Variants in PAIP1 observed in about 807,000 individuals in gnomAD.
The protein encoded by PAIP1 is poly(A) binding protein interacting protein 1.
A neutral mutation model predicts 61.3 loss-of-function variants in PAIP1; 16 were observed. The ratio of observed to expected loss-of-function variants is 0.26; its 90% CI spans 0.18 to 0.40. The LOEUF is 0.40. PAIP1 is among the 10% of genes least tolerant of loss of function. PAIP1 has a pLI of 1.00. For missense variants in PAIP1, 416 were observed against 600.9 expected (o/e 0.69, Z 3.22); for synonymous variants, 187 against 226.2 (o/e 0.83, Z 1.56).
At chr5:43,556,106 C>T (rs1748052114) in intron 1 of PAIP1, 107 bp from the exon 2 acceptor site, 1 of 1,460,618 alleles carries the variant, frequency 6.8e-7, no homozygotes. Context: ...AAGAGTTAAA[C>T]AGGAACCATC....
intron 3 of PAIP1, 97 bp from the exon 4 acceptor site, chr5:43,543,213 C>A: frequency 1.9e-6 from 1 of 534,110 alleles, no homozygotes; most frequent in Non-Finnish European, 3.4e-6. Flanking sequence ...ATTGACTCCC[C>A]AAACTGACCA....
At chr5:43,529,129 GAA>G (rs10665308) in intron 10 of PAIP1, among the ~76,000 whole-genome samples, 1 of 142,698 alleles carries the variant, frequency 7.0e-6, no homozygotes, top group Non-Finnish European at 1.5e-5. Context: ...TAGTTCTCAA[GAA>G]AAAAAAAAAA....
intron 10 of PAIP1, among the ~76,000 whole-genome samples, chr5:43,527,689 T>C (rs1746759870): frequency 6.6e-6 from 1 of 152,182 alleles, no homozygotes. Flanking sequence ...TGTGAAATTA[T>C]AGTAAAGAAT....
Position 43,536,949 on chromosome 5 carries a change from C to T in PAIP1, c.847-5G>A, listed in dbSNP as rs79252214. 7,047 of 1,553,424 alleles carry T rather than the reference C, an allele frequency of 4.5e-3. 26 individuals carry two copies. Among genetic ancestry groups the T allele is most frequent in the Non-Finnish European group, 5.4e-3 (6,282 of 1,154,884 alleles). On this transcript the variant is annotated splice_polypyrimidine_tract_variant and splice_region_variant and intron_variant, in intron 5 of 10. Transcript: ENST00000306846. ...CTGTCCATTTGTTCCCTTGATCTTT[C>T]GGGACCAAAAAAAAGAACAAAAGGA...
At chr5:43,529,973 G>GC (rs1561227426) in intron 9 of PAIP1, 94 bp from the exon 10 acceptor site, 3 of 688,406 alleles carry the variant, frequency 4.4e-6, no homozygotes, top group South Asian at 1.6e-5. Context: ...TATGACTTTT[G>GC]CCCCCCTGCA....
In PAIP1 at chr5:43,527,172, A is replaced by T; in HGVS notation, c.*204T>A. On this transcript the variant is annotated 3_prime_UTR_variant, in exon 11 of 11. Transcript: ENST00000306846. ...TAGAATTAACTGTACATAATAAACT[A>T]TTATATATATATACACATTTTAAGT... 1 of 339,668 alleles carries T rather than the reference A, an allele frequency of 2.9e-6. No homozygotes were observed. Among genetic ancestry groups the T allele is most frequent in the Non-Finnish European group, 5.3e-6 (1 of 189,158 alleles). The allele number at this position is 339,668 out of a possible 1,614,324, so 21.0% of individuals were successfully genotyped here.
At chr5:43,527,490 C>T (rs1746753319) in intron 10 of PAIP1, 21 bp from the exon 11 acceptor site, 1 of 1,586,598 alleles carries the variant, frequency 6.3e-7, no homozygotes, top group African/African-American at 1.4e-5. Context: ...AAAGATGATT[C>T]ATAAGTGTAA....
chr5:43,540,444 A>T (rs1747353253), intron 4 of PAIP1, among the ~76,000 whole-genome samples: 1 of 152,238 alleles, frequency 6.6e-6, no homozygotes, highest in Non-Finnish European at 1.5e-5. Context: ...GATTATGTAC[A>T]TGCAAACAAA....
rs373730839 is a variant in PAIP1 at position 43,550,837 on chromosome 5, CAAAAAA to C, written c.436-2930_436-2925del. 7.1e-4 allele frequency among the ~76,000 whole-genome samples: 35 copies of C among 49,566 alleles called. 1 individual carries two copies. Among genetic ancestry groups the C allele is most frequent in the Admixed American group, 1.5e-3 (5 of 3,336 alleles). 32.5% of individuals were successfully genotyped at this position (49,566 alleles called of 152,430 possible). ...CACATTCAGAAGTTGAAATATACTA[CAAAAAA>C]AAAAAAAAAAAAAAAAGCAAAAAGC... On this transcript the variant is annotated intron_variant, in intron 2 of 10. Coordinates refer to ENST00000306846, the MANE Select transcript of PAIP1 (RefSeq NM_006451.5).
chr5:43,547,330 TA>T (rs1266514308), intron 3 of PAIP1, among the ~76,000 whole-genome samples: 2 of 152,010 alleles, frequency 1.3e-5, no homozygotes, highest in Non-Finnish European at 2.9e-5. Flanking sequence ...ATTCAACACA[TA>T]GGGGAAAAGA....
At chr5:43,542,590 A>C (rs1049296835) in intron 4 of PAIP1, among the ~76,000 whole-genome samples, 2 of 152,180 alleles carry the variant, frequency 1.3e-5, no homozygotes, top group Non-Finnish European at 2.9e-5. Context: ...TGGTAATAAA[A>C]AGGAACAGAA....
chr5:43,536,686 C>T (rs1747170312), intron 6 of PAIP1, 133 bp downstream of exon 6: 9 of 487,856 alleles, frequency 1.8e-5, no homozygotes, highest in South Asian at 4.3e-5. Flanking sequence ...CCAAAATATT[C>T]GAGAAAAAAG....
At chr5:43,538,790 A>C in intron 5 of PAIP1, 134 bp downstream of exon 5, 1 of 592,884 alleles carries the variant, frequency 1.7e-6, no homozygotes, top group Non-Finnish European at 3.0e-6. Context: ...GCAGGTGCCG[A>C]AACATGTTTT....
intron 3 of PAIP1, among the ~76,000 whole-genome samples, chr5:43,546,614 C>A (rs1036870142): frequency 1.3e-5 from 2 of 152,102 alleles, no homozygotes; most frequent in African/African-American, 4.8e-5. Flanking sequence ...ATTTGAGTTG[C>A]TCTTGTAACA....
intron 9 of PAIP1, among the ~76,000 whole-genome samples, chr5:43,530,507 T>G (rs187966628): frequency 6.6e-6 from 1 of 152,338 alleles, no homozygotes; most frequent in East Asian, 1.9e-4. Flanking sequence ...TCAGTATATA[T>G]TAAGACTAGT....
chr5:43,556,398 C>A (rs897426139), intron 1 of PAIP1, 184 bp downstream of exon 1: 14 of 1,229,812 alleles, frequency 1.1e-5, no homozygotes, highest in Non-Finnish European at 1.4e-5. Flanking sequence ...ACAAAGGATT[C>A]CAGCAGACAC....
chr5:43,556,184 G>T, intron 1 of PAIP1, 185 bp from the exon 2 acceptor site: 1 of 1,386,544 alleles, frequency 7.2e-7, no homozygotes, highest in South Asian at 1.8e-5. Flanking sequence ...GACTTGCTGT[G>T]ACTCCGTTAT....
intron 2 of PAIP1, among the ~76,000 whole-genome samples, chr5:43,549,671 A>C (rs1747787530): frequency 6.6e-6 from 1 of 152,024 alleles, no homozygotes; most frequent in African/African-American, 2.4e-5. Flanking sequence ...TACCACTTCA[A>C]ATAACCATCA....
chr5:43,527,827 ATT>A (rs1746767066), intron 10 of PAIP1, among the ~76,000 whole-genome samples: 1 of 152,216 alleles, frequency 6.6e-6, no homozygotes, highest in East Asian at 1.9e-4. Context: ...GAATATAACT[ATT>A]AATAGAACAT....
Sources: allele counts gnomAD v4.1 joint callset (sites outside exome capture counted in the v4.1 genomes callset), GRCh38; gene constraint gnomAD v4.1.1; transcripts MANE v1.5; gene names NCBI Gene and HGNC (gene_info 2026-07-23, HGNC 2026-07-21).